The following ZNF8 variants were observed in gnomAD, a reference collection of about 807,000 sequenced individuals.
The protein encoded by ZNF8 is zinc finger protein 272.
In ZNF8, 9 loss-of-function variants were observed where a neutral mutation model predicts 12.2. The ratio of observed to expected loss-of-function variants is 0.73; its 90% CI spans 0.44 to 1.28. The LOEUF is 1.28. Among genes scored for constraint, ZNF8 ranks in the 50% most tolerant of loss-of-function variants. The pLI, the probability that ZNF8 is intolerant of heterozygous loss-of-function variation, is 0.00. For synonymous variants in ZNF8, 274 were observed against 282.3 expected, an observed-to-expected ratio of 0.97 and a Z score of 0.30; for missense variants, 664 against 729.1, an observed-to-expected ratio of 0.91 and a Z score of 1.03.
At chr19:58,287,478 G>A (rs531320483) in intron 3 of ZNF8, among the ~76,000 whole-genome samples, 1 of 151,436 alleles carries the variant, frequency 6.6e-6, no homozygotes, top group East Asian at 1.9e-4. Context: ...GACTACAGGT[G>A]TGTACCCCCA....
At chr19:58,279,229 G>A (rs775477946) in intron 1 of ZNF8, 82 bp downstream of exon 1, 27 of 1,536,160 alleles carry the variant, frequency 1.8e-5, no homozygotes, top group Middle Eastern at 3.3e-4. Flanking sequence ...CTCGCGGCGC[G>A]ATGAGAGCGG....
At position 58,295,325 on chromosome 19, in the gene ZNF8, C is replaced by T. The variant is rs145201183; in HGVS notation, c.1517C>T (p.Ser506Leu). Residue 506 changes from serine to leucine, a missense_variant, in exon 4 of 4, where the codon TCG (serine) becomes TTG (leucine). Ser to Leu is a moderately radical substitution (Grantham distance 145, BLOSUM62 -2). Coordinates refer to ENST00000621650, the MANE Select transcript of ZNF8 (RefSeq NM_021089.3). ...HGRSRRREQS[S>L]SRNSHLVQHQ... is the part of the protein sequence containing the mutation. ...CGAAGCCGGCGGCGTGAACAATCCT[C>T]GAGCAGGAACTCACACCTGGTTCAG... is the stretch of plus-strand genomic sequence containing the variant. 3.2e-5 allele frequency: 52 copies of T among 1,614,094 alleles called. No individual in the cohort carries two copies. The highest frequency in any genetic ancestry group is 1.1e-4 in the East Asian group (5 of 44,888).
intron 3 of ZNF8, among the ~76,000 whole-genome samples, chr19:58,290,408 C>A (rs373898322): frequency 2.1e-4 from 32 of 152,296 alleles, no homozygotes; most frequent in African/African-American, 7.7e-4. Context: ...GCCACCGCGC[C>A]CGGCCATCAA....
At position 58,290,108 on chromosome 19, in the gene ZNF8, C is replaced by CTTTTTTT. The variant is rs773199651; in HGVS notation, c.289+3920_289+3926dup. Among the ~76,000 whole-genome samples, 21 of 73,424 alleles carry CTTTTTTT rather than the reference C, an allele frequency of 2.9e-4. 1 individual carries two copies. The highest frequency in any genetic ancestry group is 8.7e-4 in the African/African-American group (15 of 17,282). 48.2% of individuals were successfully genotyped at this position (73,424 alleles called of 152,430 possible). A position where few individuals can be genotyped will look rare whatever the true frequency, so the allele number is the denominator to read the frequency against. On this transcript the variant is annotated intron_variant, in intron 3 of 3. Transcript: ENST00000621650. Reference sequence around the variant, plus strand: ...ACCGCGCCTGGCCCATTTCAAGATTCTTTTTTTTTTTTTTTTTTTTTTTGA... The same window carrying CTTTTTTT: ...ACCGCGCCTGGCCCATTTCAAGATTCTTTTTTTTTTTTTTTTTTTTTTTTTTTTTTGA...
At chr19:58,282,312 C>A (rs1391213883) in intron 1 of ZNF8, among the ~76,000 whole-genome samples, 2 of 152,072 alleles carry the variant, frequency 1.3e-5, no homozygotes, top group Non-Finnish European at 1.5e-5. Context: ...TATACAGATT[C>A]TTTGCCTATT....
At position 58,295,579 on chromosome 19, in the gene ZNF8, G is replaced by A. The variant is rs2051449577; in HGVS notation, c.*43G>A. ...TGACTTTTAACCACAAGTAAAAAAT[G>A]TGGTAAGTCCACATAGTGTACTCAT... is the stretch of plus-strand genomic sequence containing the variant. On this transcript the variant is annotated 3_prime_UTR_variant, in exon 4 of 4. Transcript: ENST00000621650. The A allele has an allele frequency of 1.3e-6, 2 of 1,494,320 alleles. No homozygotes were observed. The highest frequency in any genetic ancestry group is 1.8e-6 in the Non-Finnish European group (2 of 1,099,412). 92.6% of individuals were successfully genotyped at this position (1,494,320 alleles called of 1,614,324 possible).
intron 3 of ZNF8, among the ~76,000 whole-genome samples, chr19:58,293,727 G>A (rs1009549308): frequency 1.3e-5 from 2 of 152,186 alleles, no homozygotes; most frequent in African/African-American, 2.4e-5. Flanking sequence ...CTCTAGGAAC[G>A]GGAAGATGCA....
intron 3 of ZNF8, among the ~76,000 whole-genome samples, chr19:58,292,928 C>G (rs1393243402): frequency 1.3e-5 from 2 of 149,750 alleles, no homozygotes; most frequent in Non-Finnish European, 3.0e-5. Context: ...GAATAAACCT[C>G]TGGGTGCTAT....
Position 58,294,450 on chromosome 19 carries a change from C to A in ZNF8, c.642C>A (p.Ser214=), listed in dbSNP as rs761709472. ...DSQITDSEHN[S]SLVSQQTGSP... ...AGATTACAGACTCAGAACATAACTC[C>A]AGCTTAGTCAGTCAGCAGACAGGCT... is the stretch of plus-strand genomic sequence containing the variant. Residue 214 remains serine (S), a synonymous_variant, in exon 4 of 4, where the codon TCC becomes TCA. Transcript: ENST00000621650. The surrounding 1 kb of genome is among the most constrained non-coding windows in gnomAD (Gnocchi z 5.5). 1.4e-5 allele frequency: 23 copies of A among 1,614,112 alleles called. No individual in the cohort carries two copies. Among genetic ancestry groups the A allele is most frequent in the Middle Eastern group, 1.6e-4 (1 of 6,062 alleles).
In ZNF8 at chr19:58,295,584, A is replaced by G. The variant is rs1222811254; in HGVS notation, c.*48A>G. 2.1e-6 allele frequency: 3 copies of G among 1,438,470 alleles called. No individual in the cohort carries two copies. The Admixed American group carries it at 5.9e-5, about 28-fold the overall frequency. 89.1% of individuals were successfully genotyped at this position (1,438,470 alleles called of 1,614,324 possible). On this transcript the variant is annotated 3_prime_UTR_variant, in exon 4 of 4. Coordinates refer to ENST00000621650, the MANE Select transcript of ZNF8 (RefSeq NM_021089.3). ...TTTAACCACAAGTAAAAAATGTGGT[A>G]AGTCCACATAGTGTACTCATGGAAG...
chr19:58,279,539 AG>A lies in ZNF8; in HGVS notation c.66+393del, dbSNP rs1463474318. ...GCGTTGGCCGGGTGCCCAGATGGCAAGAATCATCGAATAGAGATGCTTTAAC... is the reference window on the plus strand; with the variant it reads ...GCGTTGGCCGGGTGCCCAGATGGCAAAATCATCGAATAGAGATGCTTTAAC... On this transcript the variant is annotated intron_variant, in intron 1 of 3. Coordinates refer to ENST00000621650, the MANE Select transcript of ZNF8 (RefSeq NM_021089.3). The A allele has an allele frequency of 4.0e-6, 6 of 1,511,064 alleles. No homozygotes were observed. The African/African-American group carries it at 8.3e-5, about 21-fold the overall frequency. The allele number at this position is 1,511,064 out of a possible 1,614,324, so 93.6% of individuals were successfully genotyped here. A position where few individuals can be genotyped will look rare whatever the true frequency, so the allele number is the denominator to read the frequency against.
chr19:58,281,517 C>A (rs1230346986), intron 1 of ZNF8, among the ~76,000 whole-genome samples: 1 of 152,166 alleles, frequency 6.6e-6, no homozygotes, highest in Admixed American at 6.5e-5. Flanking sequence ...ACTGAGAATT[C>A]TCATGGCTTG....
intron 1 of ZNF8, among the ~76,000 whole-genome samples, chr19:58,284,586 C>T (rs565148298): frequency 2.0e-5 from 3 of 152,308 alleles, no homozygotes; most frequent in South Asian, 2.1e-4. Context: ...CGGCGGCTCC[C>T]GCCTGTAATC....
Position 58,298,673 on chromosome 19 carries a change from A to T in ZNF8, c.*3137A>T, listed in dbSNP as rs1262059906. On this transcript the variant is annotated 3_prime_UTR_variant, in exon 4 of 4. Coordinates refer to ENST00000621650, the MANE Select transcript of ZNF8 (RefSeq NM_021089.3). Reference sequence around the variant, plus strand: ...GAAACGGGAAAAATTAATTTTGTTAAATCTCAAGTAGAACTATATTGTCAT... The same window carrying T: ...GAAACGGGAAAAATTAATTTTGTTATATCTCAAGTAGAACTATATTGTCAT... The T allele has an allele frequency of 6.6e-6, 1 of 152,136 alleles. No homozygotes were observed. Among genetic ancestry groups the T allele is most frequent in the East Asian group, 1.9e-4 (1 of 5,198 alleles). The allele number at this position is 152,136 out of a possible 1,614,324, so 9.4% of individuals were successfully genotyped here. A position where few individuals can be genotyped will look rare whatever the true frequency, so the allele number is the denominator to read the frequency against.
chr19:58,287,404 C>T (rs181099729), intron 3 of ZNF8, among the ~76,000 whole-genome samples: 120 of 141,284 alleles, frequency 8.5e-4, no homozygotes, highest in Non-Finnish European at 1.4e-3. Context: ...GTGATCATGG[C>T]TCAGTGCAGC....
At chr19:58,285,151 T>A (rs2051374966) in intron 1 of ZNF8, among the ~76,000 whole-genome samples, 1 of 102,244 alleles carries the variant, frequency 9.8e-6, no homozygotes, top group Non-Finnish European at 2.3e-5. Flanking sequence ...GTGAACCTGT[T>A]TTTTTGTTTT....
At position 58,279,032 on chromosome 19, in the gene ZNF8, C is replaced by T. The variant is rs2051320715; in HGVS notation, c.-50C>T. 1 of 1,365,910 alleles carries T rather than the reference C, an allele frequency of 7.3e-7. No homozygotes were observed. Among genetic ancestry groups the T allele is most frequent in the Non-Finnish European group, 9.5e-7 (1 of 1,050,704 alleles). The allele number at this position is 1,365,910 out of a possible 1,614,324, so 84.6% of individuals were successfully genotyped here. On this transcript the variant is annotated 5_prime_UTR_variant, in exon 1 of 4. Coordinates refer to ENST00000621650, the MANE Select transcript of ZNF8 (RefSeq NM_021089.3). ...GGTGGTCCCTTTGGCTGGAGTGCCTCTCTGGTCTGGGGATCACCTCAGGCG... is the reference window on the plus strand; with the variant it reads ...GGTGGTCCCTTTGGCTGGAGTGCCTTTCTGGTCTGGGGATCACCTCAGGCG...
chr19:58,279,072 G>A lies in ZNF8; in HGVS notation c.-10G>A, dbSNP rs2051321375. On this transcript the variant is annotated 5_prime_UTR_variant, in exon 1 of 4. Coordinates refer to ENST00000621650, the MANE Select transcript of ZNF8 (RefSeq NM_021089.3). The stretch of plus-strand genomic sequence containing the variant: ...CACCTCAGGCGCTGTCCTTCACTGG[G>A]CGATCCAGCATGGACCCCGAGGACG... 6.7e-7 allele frequency: 1 copy of A among 1,484,188 alleles called. No individual in the cohort carries two copies. Among genetic ancestry groups the A allele is most frequent in the Non-Finnish European group, 9.0e-7 (1 of 1,109,492 alleles). The allele number at this position is 1,484,188 out of a possible 1,614,324, so 91.9% of individuals were successfully genotyped here.
chr19:58,279,879 CT>C (rs34512848), intron 1 of ZNF8: 2 of 1,032,572 alleles, frequency 1.9e-6, no homozygotes, highest in African/African-American at 2.3e-5. Flanking sequence ...TGAAATTATA[CT>C]TTTTTTTATT....
Sources: gnomAD v4.1 joint callset for allele counts (sites outside exome capture counted in the v4.1 genomes callset) on GRCh38, gnomAD v4.1.1 for gene constraint, Gnocchi (gnomAD v3.1) non-coding constraint, MANE v1.5 for transcripts, NCBI Gene and HGNC (gene_info 2026-07-23, HGNC 2026-07-21) for gene names.